Variants in PSTPIP2 observed in about 807,000 individuals in gnomAD.
The protein encoded by PSTPIP2 is proline-serine-threonine phosphatase interacting protein 2, also known as proline-serine-threonine phosphatase-interacting protein 2.
A neutral mutation model predicts 63.3 loss-of-function variants in PSTPIP2; 33 were observed. The ratio of observed to expected loss-of-function variants is 0.52; its 90% CI spans 0.40 to 0.70. The LOEUF (loss-of-function observed/expected upper bound fraction) is 0.70, where lower values mean the gene tolerates loss of function less well. PSTPIP2 is among the 30% of genes least tolerant of loss of function. PSTPIP2 has a pLI of 0.00. For missense variants in PSTPIP2, 312 were observed against 400.7 expected, an observed-to-expected ratio of 0.78 and a Z score of 1.89; for synonymous variants, 125 against 132.7, an observed-to-expected ratio of 0.94 and a Z score of 0.40.
intron 2 of PSTPIP2, among the ~76,000 whole-genome samples, chr18:46,025,530 T>C (rs1907547320): frequency 6.6e-6 from 1 of 152,110 alleles, no homozygotes; most frequent in South Asian, 2.1e-4. Flanking sequence ...GTTTATGTAA[T>C]TGAGATCATT....
chr18:45,987,476 C>G (rs888793661), intron 14 of PSTPIP2, among the ~76,000 whole-genome samples: 3 of 145,880 alleles, frequency 2.1e-5, no homozygotes, highest in South Asian at 4.2e-4. Context: ...ACAAGAAATG[C>G]GAAGACGTGT....
chr18:46,019,751 C>T (rs111233251), intron 3 of PSTPIP2, among the ~76,000 whole-genome samples: 3 of 152,032 alleles, frequency 2.0e-5, no homozygotes, highest in Admixed American at 6.6e-5. Context: ...TAGTGAGCCA[C>T]GATTGCACCA....
intron 12 of PSTPIP2, 129 bp from the exon 13 acceptor site, chr18:45,990,885 A>C: frequency 1.5e-6 from 1 of 672,288 alleles, no homozygotes; most frequent in Non-Finnish European, 2.4e-6. Flanking sequence ...AAGAAAGCTC[A>C]CCTAAAGCAA....
At chr18:46,070,431 C>A (rs1041848414) in intron 1 of PSTPIP2, among the ~76,000 whole-genome samples, 6 of 151,972 alleles carry the variant, frequency 3.9e-5, no homozygotes, top group African/African-American at 1.5e-4. Context: ...TGGGGAGGGG[C>A]TTAGCGCCCG....
At chr18:46,047,765 T>C (rs1184916083) in intron 1 of PSTPIP2, among the ~76,000 whole-genome samples, 1 of 152,228 alleles carries the variant, frequency 6.6e-6, no homozygotes, top group African/African-American at 2.4e-5. Flanking sequence ...GAAAAAATTT[T>C]AATCACCACT....
At chr18:46,006,040 T>G (rs1423836113) in intron 5 of PSTPIP2, among the ~76,000 whole-genome samples, 1 of 152,156 alleles carries the variant, frequency 6.6e-6, no homozygotes, top group African/African-American at 2.4e-5. Flanking sequence ...GAAGCTGTTC[T>G]GTTACTCTTT....
At chr18:46,050,731 T>C (rs1422979328) in intron 1 of PSTPIP2, among the ~76,000 whole-genome samples, 1 of 151,818 alleles carries the variant, frequency 6.6e-6, no homozygotes, top group African/African-American at 2.4e-5. Context: ...AGGAGAAAAA[T>C]GAAAGTTATA....
rs377215144 is a variant in PSTPIP2, at chr18:45,997,879, C to T, written c.563-51G>A. ...TCAGAAACTAGACAGGAAGGTGGCT[C>T]GCAGATACACCCACAGGCTGGTCTC... On this transcript the variant is annotated intron_variant, in intron 8 of 14. Coordinates refer to ENST00000409746, the MANE Select transcript of PSTPIP2 (RefSeq NM_024430.4). 1.0e-4 allele frequency: 158 copies of T among 1,522,616 alleles called. 1 individual carries two copies. Among genetic ancestry groups the T allele is most frequent in the Non-Finnish European group, 1.3e-4 (147 of 1,104,202 alleles). The allele number at this position is 1,522,616 out of a possible 1,614,324, so 94.3% of individuals were successfully genotyped here.
At position 45,993,592 on chromosome 18, in the gene PSTPIP2, G is replaced by A; in HGVS notation, c.741+13C>T. ...ATGCACACGACAATCCTCAGTGGAT[G>A]CCTCTGACTTACTTCATCACTGGTG... On this transcript the variant is annotated intron_variant, in intron 10 of 14. Coordinates refer to ENST00000409746, the MANE Select transcript of PSTPIP2 (RefSeq NM_024430.4). 1 of 1,594,826 alleles carries A rather than the reference G, an allele frequency of 6.3e-7. No individual in the cohort carries two copies. The highest frequency in any genetic ancestry group is 8.6e-7 in the Non-Finnish European group (1 of 1,162,436).
chr18:46,060,856 G>A (rs1312590972), intron 1 of PSTPIP2, among the ~76,000 whole-genome samples: 2 of 152,184 alleles, frequency 1.3e-5, no homozygotes, highest in African/African-American at 2.4e-5. Flanking sequence ...AGGGCCATGT[G>A]CTCACAGGCA....
At chr18:46,021,383 C>T (rs199871583) in intron 3 of PSTPIP2, among the ~76,000 whole-genome samples, 1 of 149,636 alleles carries the variant, frequency 6.7e-6, no homozygotes. Flanking sequence ...TTGTTAGTAG[C>T]AATATTGATA....
At chr18:46,032,754 CAAAAAA>C (rs762015034) in intron 2 of PSTPIP2, among the ~76,000 whole-genome samples, 1 of 50,156 alleles carries the variant, frequency 2.0e-5, no homozygotes, top group South Asian at 9.1e-4. Flanking sequence ...AACTCTGTGT[CAAAAAA>C]AAAAAAAAAA....
intron 2 of PSTPIP2, among the ~76,000 whole-genome samples, chr18:46,031,643 A>T (rs1279216677): frequency 1.3e-5 from 2 of 152,206 alleles, no homozygotes; most frequent in East Asian, 3.8e-4. Flanking sequence ...AAAGATGTTC[A>T]GTCCATTTTC....
chr18:46,052,564 AT>A (rs1210633042), intron 1 of PSTPIP2, among the ~76,000 whole-genome samples: 2 of 114,158 alleles, frequency 1.8e-5, no homozygotes, highest in Non-Finnish European at 3.8e-5. Context: ...TTTAATGTTA[AT>A]TTAAAAAAAA....
intron 3 of PSTPIP2, among the ~76,000 whole-genome samples, chr18:46,023,606 C>G (rs1372056475): frequency 6.6e-6 from 1 of 151,718 alleles, no homozygotes; most frequent in African/African-American, 2.4e-5. Flanking sequence ...CTATAGTTAT[C>G]ACAAACAAAA....
intron 4 of PSTPIP2, 54 bp downstream of exon 4, chr18:46,015,849 A>G: frequency 6.4e-7 from 1 of 1,560,946 alleles, no homozygotes; most frequent in Non-Finnish European, 8.8e-7. Context: ...TTGACGACAG[A>G]CACAGGGCTT....
At chr18:46,002,106 TGGTTTTCCCTTTTA>T (rs1482436180) in intron 6 of PSTPIP2, among the ~76,000 whole-genome samples, 1 of 152,210 alleles carries the variant, frequency 6.6e-6, no homozygotes, top group South Asian at 2.1e-4. Flanking sequence ...CTGCTGTCAT[TGGTTTTCCCTTTTA>T]GGTTTTCCCT....
intron 1 of PSTPIP2, among the ~76,000 whole-genome samples, chr18:46,047,082 A>G (rs897395862): frequency 6.6e-6 from 1 of 152,220 alleles, no homozygotes; most frequent in Non-Finnish European, 1.5e-5. Context: ...TTTAATTCTC[A>G]ACTAACAATA....
intron 2 of PSTPIP2, chr18:46,029,527 G>T: frequency 1.2e-6 from 1 of 820,704 alleles, no homozygotes; most frequent in South Asian, 1.3e-5. Context: ...AGTTGCTTGT[G>T]GTTCTAATTG....
Sources: gnomAD v4.1 joint callset for allele counts (sites outside exome capture counted in the v4.1 genomes callset) on GRCh38, gnomAD v4.1.1 for gene constraint, MANE v1.5 for transcripts, NCBI Gene and HGNC (gene_info 2026-07-23, HGNC 2026-07-21) for gene names.